Variants in DPP10 observed in about 807,000 individuals in gnomAD.
DPP10 encodes the protein dipeptidyl peptidase like 10, also known as inactive dipeptidyl peptidase 10.
In DPP10, 33 loss-of-function variants were observed where a neutral mutation model predicts 120.9. That is an observed-to-expected ratio of 0.27 (90% CI 0.21 to 0.37). The LOEUF is 0.37. Among genes scored for constraint, DPP10 ranks in the 10% least tolerant of loss-of-function variants. The pLI is 1.00. For synonymous variants in DPP10, 337 were observed against 326.1 expected (o/e 1.03, Z -0.36); for missense variants, 816 against 942.8 (o/e 0.87, Z 1.76).
At chr2:115,727,655 T>G (rs1039411602) in intron 7 of DPP10, among the ~76,000 whole-genome samples, 161 bp from the exon 8 acceptor site, 1 of 152,106 alleles carries the variant, frequency 6.6e-6, no homozygotes. Flanking sequence ...GAAAAAGCCA[T>G]TAATAATTGA....
intron 1 of DPP10, among the ~76,000 whole-genome samples, chr2:115,297,609 A>C (rs4241133): frequency 0.67 from 102,190 of 151,790 alleles, 34,785 homozygotes; most frequent in Admixed American, 0.75. Flanking sequence ...CTTGGCATTG[A>C]AAATGCAATG....
At chr2:114,869,990 A>G (rs1256479343) in intron 1 of DPP10, among the ~76,000 whole-genome samples, 2 of 152,202 alleles carry the variant, frequency 1.3e-5, no homozygotes, top group South Asian at 2.1e-4. Context: ...ATCACCAGGT[A>G]GGAAAAGAGT....
At chr2:114,634,542 A>G (rs1695174321) in intron 1 of DPP10, among the ~76,000 whole-genome samples, 1 of 151,930 alleles carries the variant, frequency 6.6e-6, no homozygotes, top group East Asian at 1.9e-4. Flanking sequence ...GGCCTATTAA[A>G]GTAAGACTGT....
intron 21 of DPP10, among the ~76,000 whole-genome samples, chr2:115,823,809 G>C (rs1287714643): frequency 6.6e-6 from 1 of 152,140 alleles, no homozygotes; most frequent in Non-Finnish European, 1.5e-5. Flanking sequence ...CATCAATGAG[G>C]CTGAAACAAG....
chr2:114,723,034 G>GC (rs1701807262), intron 1 of DPP10, among the ~76,000 whole-genome samples: 1 of 152,160 alleles, frequency 6.6e-6, no homozygotes, highest in South Asian at 2.1e-4. Context: ...GGATGGAAGT[G>GC]CTCCGTGCAC....
chr2:114,447,055 G>C (rs1057073785), intron 1 of DPP10, among the ~76,000 whole-genome samples: 27 of 97,076 alleles, frequency 2.8e-4, no homozygotes, highest in Admixed American at 2.5e-3. Flanking sequence ...TTTTTTTTGA[G>C]ACGGAGTCTC....
chr2:115,359,096 CTG>C (rs1298372495), intron 3 of DPP10, among the ~76,000 whole-genome samples: 1 of 152,184 alleles, frequency 6.6e-6, no homozygotes, highest in East Asian at 1.9e-4. Context: ...ACTTGCCACA[CTG>C]TAGCTTTCAA....
At chr2:115,075,642 ACATTTGAGGCTTATTAGCTCAGCC>A (rs1303905571) in intron 1 of DPP10, among the ~76,000 whole-genome samples, 1 of 152,082 alleles carries the variant, frequency 6.6e-6, no homozygotes, top group Non-Finnish European at 1.5e-5. Context: ...AGTTTTCAAG[ACATTTGAGGCTTATTAGCTCAGCC>A]CATTTTACTG....
chr2:115,689,869 T>C lies in DPP10; in HGVS notation c.524T>C (p.Val175Ala). 6.2e-7 allele frequency: 1 copy of C among 1,613,818 alleles called. No homozygotes were observed. ...REVWELNPPEVEDSVLQYAAW... is the reference protein window; with the variant it reads ...REVWELNPPEAEDSVLQYAAW... ...GTTTGGGAGTTAAATCCTCCAGAAG[T>C]AGAGGACTCCGTCTTGCAGTACGCG... Residue 175 changes from valine to alanine, a missense_variant, in exon 7 of 26, where the codon GTA (valine) becomes GCA (alanine). Around this residue, in one of 3 missense-constraint regions of DPP10, gnomAD observed 182 missense variants for 207.4 expected, o/e 0.88. Transcript: ENST00000410059.
intron 3 of DPP10, among the ~76,000 whole-genome samples, chr2:115,354,892 A>T (rs955929660): frequency 6.6e-6 from 1 of 151,940 alleles, no homozygotes; most frequent in Non-Finnish European, 1.5e-5. Context: ...ATTCCTTTTT[A>T]TGGTTGCGTA....
Position 114,816,570 on chromosome 2 carries a change from G to A in DPP10, c.60+373732G>A, listed in dbSNP as rs566298224. On this transcript the variant is annotated intron_variant, in intron 1 of 25. Coordinates refer to ENST00000410059, the MANE Select transcript of DPP10 (RefSeq NM_020868.6). The stretch of plus-strand genomic sequence containing the variant: ...TCTCCCCACCCCATCTCTTGATTGT[G>A]TTGCTCCGTTTTATTGTTTTCTTAT... Among the ~76,000 whole-genome samples, 15 of 152,138 alleles carry A rather than the reference G, an allele frequency of 9.9e-5. No homozygotes were observed. The South Asian group carries it at 2.9e-3, about 29-fold the overall frequency.
At chr2:114,493,402 CAGA>C (rs1682175441) in intron 1 of DPP10, among the ~76,000 whole-genome samples, 1 of 152,050 alleles carries the variant, frequency 6.6e-6, no homozygotes. Context: ...AAGAAAAATC[CAGA>C]AGAATGGCTT....
At position 115,739,719 on chromosome 2, in the gene DPP10, A is replaced by G; in HGVS notation, c.698-20A>G. The G allele has an allele frequency of 6.2e-7, 1 of 1,610,650 alleles. No homozygotes were observed. The highest frequency in any genetic ancestry group is 1.1e-5 in the South Asian group (1 of 90,934). ...CCCACATCTCTACAGTTGGTCTCAA[A>G]TAACACTCATTTATTCTAGAGGAAC... On this transcript the variant is annotated intron_variant, in intron 8 of 25. Transcript: ENST00000410059.
At chr2:114,581,505 A>G (rs1275051817) in intron 1 of DPP10, among the ~76,000 whole-genome samples, 1 of 152,124 alleles carries the variant, frequency 6.6e-6, no homozygotes, top group Admixed American at 6.5e-5. Flanking sequence ...ATTATTTTCT[A>G]TATACATGCA....
chr2:115,373,742 C>G (rs967645046), intron 3 of DPP10, among the ~76,000 whole-genome samples: 16 of 151,826 alleles, frequency 1.1e-4, no homozygotes, highest in Admixed American at 2.6e-4. Flanking sequence ...CCACCTGAGA[C>G]TGGGTAGTTC....
At chr2:114,579,589 A>G (rs1342266835) in intron 1 of DPP10, among the ~76,000 whole-genome samples, 1 of 152,110 alleles carries the variant, frequency 6.6e-6, no homozygotes, top group African/African-American at 2.4e-5. Context: ...ACAAAACACC[A>G]AGTTATTTCT....
At chr2:115,381,194 C>T (rs1233073318) in intron 3 of DPP10, among the ~76,000 whole-genome samples, 1 of 152,212 alleles carries the variant, frequency 6.6e-6, no homozygotes, top group Non-Finnish European at 1.5e-5. Context: ...GTACACCAAT[C>T]AGTCGTAGAT....
At chr2:115,683,365 C>T (rs1356874267) in intron 5 of DPP10, among the ~76,000 whole-genome samples, 1 of 151,922 alleles carries the variant, frequency 6.6e-6, no homozygotes, top group African/African-American at 2.4e-5. Flanking sequence ...ACTCGTGGAA[C>T]ACACAGAATT....
intron 1 of DPP10, among the ~76,000 whole-genome samples, chr2:114,616,259 C>T (rs576054508): frequency 2.0e-5 from 3 of 152,114 alleles, no homozygotes; most frequent in African/African-American, 2.4e-5. Flanking sequence ...AGTGTGCATC[C>T]GTCTTCCATT....
Sources: allele counts gnomAD v4.1 joint callset (sites outside exome capture counted in the v4.1 genomes callset), GRCh38; gene constraint gnomAD v4.1.1; regional missense constraint gnomAD v4.1.1; transcripts MANE v1.5; gene names NCBI Gene and HGNC (gene_info 2026-07-23, HGNC 2026-07-21).